NEMP1: variants seen among roughly 807,000 people sequenced by gnomAD.
NEMP1 encodes the protein nuclear envelope integral membrane protein 1, also known as transmembrane protein 194.
Under a neutral mutation model 53.7 loss-of-function variants are expected in NEMP1, and 29 were observed. The ratio of observed to expected loss-of-function variants is 0.54; its 90% confidence interval spans 0.40 to 0.74. The LOEUF (loss-of-function observed/expected upper bound fraction) is 0.74. NEMP1 is among the 30% of genes least tolerant of loss of function. NEMP1 has a pLI of 0.00. For synonymous variants in NEMP1, 193 were observed against 192.9 expected (o/e 1.00, Z 0.00); for missense variants, 477 against 528.6 (o/e 0.90, Z 0.96).
intron 7 of NEMP1, 53 bp from the exon 8 acceptor site, chr12:57,060,998 C>T (rs1329994811): frequency 1.9e-6 from 3 of 1,575,708 alleles, no homozygotes; most frequent in African/African-American, 2.7e-5. Context: ...CTATATCCAT[C>T]CTTACTTCTA....
At chr12:57,069,137 TC>T (rs1449625331) in intron 4 of NEMP1, 96 bp downstream of exon 4, 19 of 742,616 alleles carry the variant, frequency 2.6e-5, no homozygotes, top group Non-Finnish European at 3.7e-5. Flanking sequence ...GCCATAAAGG[TC>T]CTGGAAATGG....
rs2031642033 is a variant in NEMP1 at position 57,058,571 on chromosome 12, C to T, written c.*1308G>A. ...TTTGCAATGGCAAAAGAATCTGAAA[C>T]TAATGCTACTGCAATAACAGGCAGC... On this transcript the variant is annotated 3_prime_UTR_variant, in exon 9 of 9. Coordinates refer to ENST00000300128, the MANE Select transcript of NEMP1 (RefSeq NM_001130963.2). The T allele has an allele frequency of 6.6e-6, 1 of 152,220 alleles. No individual in the cohort carries two copies. The highest frequency in any genetic ancestry group is 2.1e-4 in the South Asian group (1 of 4,830). 9.4% of individuals were successfully genotyped at this position (152,220 alleles called of 1,614,324 possible).
upstream of NEMP1, chr12:57,078,877 A>C: frequency 7.9e-6 from 8 of 1,014,590 alleles, no homozygotes; most frequent in South Asian, 4.9e-5. Context: ...TCGAGCACCC[A>C]GCCCTCCAAG....
upstream of NEMP1, among the ~76,000 whole-genome samples, chr12:57,081,576 G>T (rs1017365219): frequency 2.6e-5 from 4 of 151,000 alleles, no homozygotes; most frequent in African/African-American, 9.7e-5. Context: ...ATAATGTGGT[G>T]GTCTAGATGG....
rs1473564774 is a variant in NEMP1 at position 57,056,419 on chromosome 12, T to C, written c.*3460A>G. On this transcript the variant is annotated 3_prime_UTR_variant, in exon 9 of 9. Transcript: ENST00000300128. ...CCTTGTGCAATGGATATTTCATATG[T>C]TTATTAATTGGTTTCAGTTAATATG... 1 of 152,262 alleles carries C rather than the reference T, an allele frequency of 6.6e-6. No individual in the cohort carries two copies. Among genetic ancestry groups the C allele is most frequent in the Non-Finnish European group, 1.5e-5 (1 of 68,050 alleles). 9.4% of individuals were successfully genotyped at this position (152,262 alleles called of 1,614,324 possible).
rs558085255 is a variant in NEMP1 at position 57,067,246 on chromosome 12, C to T, written c.545+1988G>A. ...GGCTGAGGCAGGAGAATGGCATGAA[C>T]CCGGAAGGTGGAGCTTGCAGTGAGC... On this transcript the variant is annotated intron_variant, in intron 4 of 8. Coordinates refer to ENST00000300128, the MANE Select transcript of NEMP1 (RefSeq NM_001130963.2). Among the ~76,000 whole-genome samples, 111 of 152,076 alleles carry T rather than the reference C, an allele frequency of 7.3e-4. 1 individual carries two copies. The highest frequency in any genetic ancestry group is 1.3e-3 in the Non-Finnish European group (90 of 67,966).
intron 4 of NEMP1, 151 bp downstream of exon 4, chr12:57,069,083 C>T (rs2032226928): frequency 6.1e-6 from 3 of 490,162 alleles, no homozygotes; most frequent in South Asian, 7.8e-5. Context: ...AATCATAATA[C>T]ACATTAAAGT....
rs1483832357 is a variant in NEMP1, at chr12:57,067,126, C to A, written c.545+2108G>T. Among the ~76,000 whole-genome samples, 5 of 152,112 alleles carry A rather than the reference C, an allele frequency of 3.3e-5. No individual in the cohort carries two copies. The East Asian group carries it at 9.6e-4, about 29-fold the overall frequency. On this transcript the variant is annotated intron_variant, in intron 4 of 8. Coordinates refer to ENST00000300128, the MANE Select transcript of NEMP1 (RefSeq NM_001130963.2). ...AGATCATGAGGTCAGGAGATCGAGA[C>A]CATCCTGGCTAACACGGTGAAACCC...
chr12:57,061,903 G>A (rs2031827187), intron 7 of NEMP1, among the ~76,000 whole-genome samples: 5 of 151,970 alleles, frequency 3.3e-5, no homozygotes, highest in Admixed American at 3.3e-4. Flanking sequence ...GGAGGCTGAG[G>A]CAGGAGAATC....
chr12:57,063,391 TA>T, intron 6 of NEMP1, 47 bp from the exon 7 acceptor site: 2 of 1,510,756 alleles, frequency 1.3e-6, no homozygotes, highest in Non-Finnish European at 1.8e-6. Flanking sequence ...CTATACTTGG[TA>T]AAAATAATTT....
intron 4 of NEMP1, among the ~76,000 whole-genome samples, chr12:57,065,281 T>A (rs2032016614): frequency 6.6e-6 from 1 of 152,210 alleles, no homozygotes; most frequent in African/African-American, 2.4e-5. Flanking sequence ...TTACCACAAC[T>A]TCTTTCAAAA....
At position 57,055,715 on chromosome 12, in the gene NEMP1, TTC is replaced by T. The variant is rs1440770000; in HGVS notation, c.*4162_*4163del. 6.6e-6 allele frequency: 1 copy of T among 152,252 alleles called. No homozygotes were observed. Among genetic ancestry groups the T allele is most frequent in the African/African-American group, 2.4e-5 (1 of 41,460 alleles). 9.4% of individuals were successfully genotyped at this position (152,252 alleles called of 1,614,324 possible). A position where few individuals can be genotyped will look rare whatever the true frequency, so the allele number is the denominator to read the frequency against. On this transcript the variant is annotated 3_prime_UTR_variant, in exon 9 of 9. Transcript: ENST00000300128. ...ACTTTAAAAATACATTAAGACATTG[TTC>T]TTTTTTCTTACAGAAAAGAGGGTGA...
At chr12:57,070,068 C>A (rs1346424500) in intron 3 of NEMP1, among the ~76,000 whole-genome samples, 2 of 152,086 alleles carry the variant, frequency 1.3e-5, no homozygotes, top group Non-Finnish European at 2.9e-5. Flanking sequence ...TGTGTAGTAA[C>A]CAAGGGGAAA....
intron 1 of NEMP1, among the ~76,000 whole-genome samples, chr12:57,087,551 G>T (rs2033047398): frequency 6.6e-6 from 1 of 151,926 alleles, no homozygotes. Flanking sequence ...TGGGAGACGG[G>T]ACTCTGCTCG....
chr12:57,083,031 A>G (rs542256694), upstream of NEMP1, among the ~76,000 whole-genome samples: 4 of 151,996 alleles, frequency 2.6e-5, no homozygotes, highest in African/African-American at 9.7e-5. Context: ...ATAAATAAAT[A>G]AAATAAAATA....
intron 1 of NEMP1, among the ~76,000 whole-genome samples, chr12:57,087,719 G>C (rs1162727869): frequency 6.6e-6 from 1 of 151,960 alleles, no homozygotes; most frequent in Non-Finnish European, 1.5e-5. Flanking sequence ...CCCGGTCCAC[G>C]GCCTCCACGC....
chr12:57,061,032 A>G (rs1035767916), intron 7 of NEMP1, 87 bp from the exon 8 acceptor site: 4 of 1,345,770 alleles, frequency 3.0e-6, no homozygotes, highest in Admixed American at 2.3e-5. Flanking sequence ...GGCCAAGAAT[A>G]CAGCAGACAG....
chr12:57,069,273 A>C lies in NEMP1; in HGVS notation c.506T>G (p.Leu169Arg). Residue 169 changes from leucine (L) to arginine (R), a missense_variant, in exon 4 of 9, where the codon CTT becomes CGT. Transcript: ENST00000300128. ...TCCACAAAAAAATAGCATAAGTCCAAGAAGGAAAACAAGAAAGAGTTTGGG... is the reference window on the plus strand; with the variant it reads ...TCCACAAAAAAATAGCATAAGTCCACGAAGGAAAACAAGAAAGAGTTTGGG... ...FDPKLFLVFL[L>R]GLMLFFCGDL... 1 of 1,547,204 alleles carries C rather than the reference A, an allele frequency of 6.5e-7. No individual in the cohort carries two copies. The highest frequency in any genetic ancestry group is 8.7e-7 in the Non-Finnish European group (1 of 1,145,894).
rs775044397 is a variant in NEMP1, at chr12:57,056,927, G to A, written c.*2952C>T. 2 of 152,140 alleles carry A rather than the reference G, an allele frequency of 1.3e-5. No individual in the cohort carries two copies. The highest frequency in any genetic ancestry group is 1.5e-5 in the Non-Finnish European group (1 of 68,016). 9.4% of individuals were successfully genotyped at this position (152,140 alleles called of 1,614,324 possible). The stretch of plus-strand genomic sequence containing the variant: ...TATCAGCAAAATTCCCTTTGTAACA[G>A]ACGTAAAAATCATGAATTTGAGGGG... On this transcript the variant is annotated 3_prime_UTR_variant, in exon 9 of 9. Transcript: ENST00000300128.
Sources: allele counts gnomAD v4.1 joint callset (sites outside exome capture counted in the v4.1 genomes callset), GRCh38; gene constraint gnomAD v4.1.1; transcripts MANE v1.5; gene names NCBI Gene and HGNC (gene_info 2026-07-23, HGNC 2026-07-21).